The following LIN54 variants were observed in gnomAD, a reference collection of about 807,000 sequenced individuals.
The protein encoded by LIN54 is protein lin-54 homolog.
In LIN54, 9 loss-of-function variants were observed where a neutral mutation model predicts 78.7. That is an observed-to-expected ratio of 0.11 (90% confidence interval 0.07 to 0.20). LIN54 has a LOEUF of 0.20. LIN54 is among the 10% of genes least tolerant of loss of function. LIN54 has a pLI of 1.00. For missense variants in LIN54, 573 were observed against 889.9 expected, an observed-to-expected ratio of 0.64 and a Z score of 4.53; for synonymous variants, 269 against 318.4, an observed-to-expected ratio of 0.84 and a Z score of 1.65.
intron 11 of LIN54, among the ~76,000 whole-genome samples, chr4:82,932,738 T>C (rs941527812): frequency 2.0e-5 from 3 of 151,082 alleles, no homozygotes; most frequent in African/African-American, 7.3e-5. Flanking sequence ...GGCAGGAGAA[T>C]CGCTTGAACC....
chr4:82,958,450 C>T (rs1724516305), intron 4 of LIN54, among the ~76,000 whole-genome samples: 1 of 152,100 alleles, frequency 6.6e-6, no homozygotes, highest in South Asian at 2.1e-4. Context: ...GTTCCTTTTC[C>T]ATGTCTTTTC....
chr4:83,004,891 A>G (rs542071015), intron 1 of LIN54, among the ~76,000 whole-genome samples: 1 of 151,936 alleles, frequency 6.6e-6, no homozygotes, highest in East Asian at 1.9e-4. Flanking sequence ...TAGATTTATA[A>G]ATTTACTTTT....
intron 1 of LIN54, among the ~76,000 whole-genome samples, chr4:82,995,489 C>CTTTTTTTTTTT (rs749880882): frequency 1.3e-5 from 1 of 76,346 alleles, no homozygotes; most frequent in Non-Finnish European, 2.4e-5. Flanking sequence ...ATCCTTATCT[C>CTTTTTTTTTTT]TTTTTTTTTT....
intron 3 of LIN54, among the ~76,000 whole-genome samples, chr4:82,971,905 T>G (rs1352117589): frequency 6.6e-6 from 1 of 152,152 alleles, no homozygotes; most frequent in Non-Finnish European, 1.5e-5. Flanking sequence ...ATTAAACTCA[T>G]AGATCCAGCT....
chr4:82,948,279 T>C (rs1313399593), intron 4 of LIN54, among the ~76,000 whole-genome samples: 3 of 152,172 alleles, frequency 2.0e-5, no homozygotes, highest in African/African-American at 2.4e-5. Flanking sequence ...TTAATATGCA[T>C]GGAGGACAGT....
rs1560710327 is a variant in LIN54, at chr4:82,928,123, G to GTCACTTTTTGCC, written c.2217_2228dup (p.Ser742_Asp743insGluAlaLysSer). 1 of 1,614,144 alleles carries GTCACTTTTTGCC rather than the reference G, an allele frequency of 6.2e-7. No individual in the cohort carries two copies. The highest frequency in any genetic ancestry group is 1.7e-5 in the Admixed American group (1 of 60,026). ...AGAGTTAGCAATTCATGGCACAAGG[G>GTCACTTTTTGCC]TCACTTTTTGCCTTTCCTGCAGAGT... is the stretch of plus-strand genomic sequence containing the variant. On this transcript the variant is annotated inframe_insertion, in exon 13 of 13. Coordinates refer to ENST00000340417, the MANE Select transcript of LIN54 (RefSeq NM_194282.4).
chr4:82,995,247 G>A (rs1029637546), intron 1 of LIN54, among the ~76,000 whole-genome samples: 3 of 151,944 alleles, frequency 2.0e-5, no homozygotes, highest in Admixed American at 6.6e-5. Flanking sequence ...CTGCAGTGAG[G>A]TATGATAGTG....
intron 1 of LIN54, among the ~76,000 whole-genome samples, chr4:82,993,029 G>GAAA (rs35355547): frequency 2.0e-5 from 2 of 101,120 alleles, no homozygotes; most frequent in Admixed American, 2.2e-4. Context: ...CTCTGTCTCA[G>GAAA]AAAAAAAAAA....
chr4:82,987,967 C>T (rs1727321481), intron 1 of LIN54, among the ~76,000 whole-genome samples: 1 of 152,226 alleles, frequency 6.6e-6, no homozygotes, highest in South Asian at 2.1e-4. Flanking sequence ...CTGTCTTCCA[C>T]CGTGGTTGAA....
At chr4:82,997,329 GA>G (rs1366897246) in intron 1 of LIN54, among the ~76,000 whole-genome samples, 1 of 152,044 alleles carries the variant, frequency 6.6e-6, no homozygotes, top group Non-Finnish European at 1.5e-5. Context: ...AACAAACTGA[GA>G]AACTCCTTTC....
chr4:82,939,676 G>A lies in LIN54; in HGVS notation c.1303C>T (p.Arg435Trp), dbSNP rs1417469121. 7 of 1,613,856 alleles carry A rather than the reference G, an allele frequency of 4.3e-6. No individual in the cohort carries two copies. Among genetic ancestry groups the A allele is most frequent in the South Asian group, 1.1e-5 (1 of 91,086 alleles). ...QIVTTSQPQQ[R>W]LIMPATPLPQ... ...AGTGGTGTGGCAGGCATGATAAGCC[G>A]TTGCTGTGGCTGGCTAGTAGTTACT... Residue 435 changes from arginine (R) to tryptophan (W), a missense_variant, in exon 7 of 13, where the codon CGG (arginine) becomes TGG (tryptophan). Arg to Trp is a moderately radical substitution (Grantham distance 101, BLOSUM62 -3). Transcript: ENST00000340417.
chr4:82,979,009 G>C lies in LIN54; in HGVS notation c.685-3C>G. 1 of 1,569,614 alleles carries C rather than the reference G, an allele frequency of 6.4e-7. No individual in the cohort carries two copies. Among genetic ancestry groups the C allele is most frequent in the Non-Finnish European group, 8.7e-7 (1 of 1,150,228 alleles). On this transcript the variant is annotated splice_region_variant and splice_polypyrimidine_tract_variant and intron_variant, in intron 2 of 12. Transcript: ENST00000340417. ...GGCGTTCGAGGCTTCTTAGCAATCT[G>C]AAACATATAAATAACTATGAAGACC... is the stretch of plus-strand genomic sequence containing the variant.
chr4:82,949,223 C>T (rs1723649036), intron 4 of LIN54, among the ~76,000 whole-genome samples: 1 of 152,158 alleles, frequency 6.6e-6, no homozygotes, highest in African/African-American at 2.4e-5. Context: ...TGTGAAGTGG[C>T]ATCTCATAGT....
intron 1 of LIN54, among the ~76,000 whole-genome samples, chr4:83,002,586 C>T (rs1184514265): frequency 1.3e-5 from 2 of 151,924 alleles, no homozygotes; most frequent in African/African-American, 2.4e-5. Flanking sequence ...CCTCCTCCAC[C>T]TCTTCTGCCT....
intron 1 of LIN54, among the ~76,000 whole-genome samples, chr4:83,008,614 T>C (rs573723123): frequency 1.2e-3 from 180 of 151,910 alleles, no homozygotes; most frequent in Non-Finnish European, 2.2e-3. Context: ...ATCGCGCCAC[T>C]GCACTCTAGC....
At chr4:82,967,241 AAAG>A (rs1363706814) in intron 4 of LIN54, among the ~76,000 whole-genome samples, 6 of 152,068 alleles carry the variant, frequency 3.9e-5, no homozygotes, top group Non-Finnish European at 8.8e-5. Context: ...AAAAAAGAAA[AAAG>A]AAAAAAAAGG....
At chr4:82,982,023 CAAA>C (rs1326870958) in intron 2 of LIN54, among the ~76,000 whole-genome samples, 1 of 151,608 alleles carries the variant, frequency 6.6e-6, no homozygotes, top group Admixed American at 6.6e-5. Flanking sequence ...AGACCTGTCT[CAAA>C]AACAAAACAA....
At chr4:83,001,988 T>G in intron 1 of LIN54, among the ~76,000 whole-genome samples, 1 of 126,620 alleles carries the variant, frequency 7.9e-6, no homozygotes, top group African/African-American at 3.1e-5. Flanking sequence ...GGGAGGGATC[T>G]TGGAGAAATT....
At chr4:82,937,025 G>A (rs1315406815) in intron 9 of LIN54, among the ~76,000 whole-genome samples, 2 of 151,932 alleles carry the variant, frequency 1.3e-5, no homozygotes, top group African/African-American at 4.8e-5. Flanking sequence ...TTCATGTATG[G>A]TAAGGACTCT....
Sources: allele counts gnomAD v4.1 joint callset (sites outside exome capture counted in the v4.1 genomes callset), GRCh38; gene constraint gnomAD v4.1.1; transcripts MANE v1.5; gene names NCBI Gene and HGNC (gene_info 2026-07-23, HGNC 2026-07-21).